Variants in SPATA13 observed in about 807,000 individuals in gnomAD.
SPATA13 encodes spermatogenesis associated 13, also known as spermatogenesis-associated protein 13.
Under a neutral mutation model 104.0 loss-of-function variants are expected in SPATA13, and 50 were observed. The ratio of observed to expected loss-of-function variants is 0.48; its 90% CI spans 0.38 to 0.61. SPATA13 has a LOEUF of 0.61. Among genes scored for constraint, SPATA13 ranks in the 20% least tolerant of loss-of-function variants. The pLI is 0.00. For missense variants in SPATA13, 1,524 were observed against 1,690.6 expected (o/e 0.90, Z 1.73); for synonymous variants, 606 against 667.5 (o/e 0.91, Z 1.42).
Position 24,224,547 on chromosome 13 carries a change from G to A in SPATA13, c.1618G>A (p.Val540Met), listed in dbSNP as rs752371351. Residue 540 changes from valine to methionine, a missense_variant, in exon 2 of 13, where the codon GTG (valine) becomes ATG (methionine). Val to Met is a conservative substitution (Grantham distance 21). Around this residue, in one of 2 missense-constraint regions of SPATA13, gnomAD observed 1,089 missense variants for 1,135.9 expected, o/e 0.96. Coordinates refer to ENST00000382108, the MANE Select transcript of SPATA13 (RefSeq NM_001166271.3). Reference protein sequence around the residue: ...GSKDLLVNIGVAAGPEEKEKE... With the variant: ...GSKDLLVNIGMAAGPEEKEKE... ...CAAGGACCTTCTGGTGAACATTGGT[G>A]TGGCAGCCGGCCCAGAAGAAAAGGA... 29 of 1,541,952 alleles carry A rather than the reference G, an allele frequency of 1.9e-5. No individual in the cohort carries two copies. Among genetic ancestry groups the A allele is most frequent in the Non-Finnish European group, 2.3e-5 (26 of 1,146,936 alleles).
chr13:24,294,661 C>T (rs571109198), intron 9 of SPATA13, 78 bp from the exon 10 acceptor site: 19 of 1,458,538 alleles, frequency 1.3e-5, no homozygotes, highest in East Asian at 4.6e-5. Flanking sequence ...TACGAAGAAG[C>T]GCCCCAGTGG....
chr13:24,286,096 A>T lies in SPATA13; in HGVS notation c.2302-118A>T. On this transcript the variant is annotated intron_variant, in intron 5 of 12. Transcript: ENST00000382108. This position sits in a 1 kb window ranked among gnomAD's most constrained non-coding sequence, Gnocchi z 4.9. ...ACATAGTCAGTGTGGACCAAATGCC[A>T]CCAGCATATCCAAGTGAGAGGATAC... 1 of 966,864 alleles carries T rather than the reference A, an allele frequency of 1.0e-6. No individual in the cohort carries two copies. The highest frequency in any genetic ancestry group is 1.5e-6 in the Non-Finnish European group (1 of 651,824). The allele number at this position is 966,864 out of a possible 1,614,324, so 59.9% of individuals were successfully genotyped here.
chr13:24,005,584 C>G (rs1303341629), intron 2 of SPATA13, among the ~76,000 whole-genome samples: 1 of 151,918 alleles, frequency 6.6e-6, no homozygotes, highest in Non-Finnish European at 1.5e-5. Flanking sequence ...AAGGGATGAA[C>G]TCCTGAATTT....
intron 3 of SPATA13, among the ~76,000 whole-genome samples, chr13:24,106,242 T>G (rs1880448394): frequency 6.6e-6 from 1 of 152,148 alleles, no homozygotes; most frequent in African/African-American, 2.4e-5. Flanking sequence ...CTGTGTTGCT[T>G]AGGCTGGCCT....
At chr13:24,174,094 A>T (rs1446627673) in intron 1 of SPATA13, among the ~76,000 whole-genome samples, 3 of 152,134 alleles carry the variant, frequency 2.0e-5, no homozygotes, top group African/African-American at 7.2e-5. Flanking sequence ...GGGCATAAAG[A>T]TTTCTCTTTT....
At chr13:24,244,437 G>T (rs183422144) in intron 2 of SPATA13, among the ~76,000 whole-genome samples, 11 of 152,246 alleles carry the variant, frequency 7.2e-5, no homozygotes, top group African/African-American at 2.6e-4. Context: ...CTTTCACTGT[G>T]GTTTCAGAAA....
intron 3 of SPATA13, among the ~76,000 whole-genome samples, chr13:24,139,083 G>A (rs1453867423): frequency 2.6e-5 from 4 of 152,114 alleles, no homozygotes; most frequent in East Asian, 1.9e-4. Context: ...TGACAGCTCC[G>A]GGGGTGCATC....
rs551549802 is a variant in SPATA13 at position 24,167,967 on chromosome 13, T to C, written c.-112+7035T>C. Reference sequence around the variant, plus strand: ...AAACATGTTTCTCTCTCTGTCAGCATGGACAAAGTAGGGTTTTTTTGGTCT... The same window carrying C: ...AAACATGTTTCTCTCTCTGTCAGCACGGACAAAGTAGGGTTTTTTTGGTCT... On this transcript the variant is annotated intron_variant, in intron 1 of 12. Coordinates refer to ENST00000382108, the MANE Select transcript of SPATA13 (RefSeq NM_001166271.3). Among the ~76,000 whole-genome samples the C allele has an allele frequency of 6.5e-4, 99 of 152,350 alleles. 1 individual carries two copies. Among genetic ancestry groups the C allele is most frequent in the South Asian group, 2.9e-3 (14 of 4,822 alleles).
chr13:24,022,249 T>A (rs998571522), intron 3 of SPATA13, among the ~76,000 whole-genome samples: 1 of 149,764 alleles, frequency 6.7e-6, no homozygotes. Flanking sequence ...TTGGCCAGGC[T>A]GGTCTCGAAC....
chr13:24,216,590 T>C (rs564949543), intron 1 of SPATA13, among the ~76,000 whole-genome samples: 2 of 152,326 alleles, frequency 1.3e-5, no homozygotes, highest in African/African-American at 2.4e-5. Flanking sequence ...ACCTACTCCT[T>C]ACACAGAGAG....
At chr13:24,106,127 G>A (rs547731092) in intron 3 of SPATA13, among the ~76,000 whole-genome samples, 29 of 152,236 alleles carry the variant, frequency 1.9e-4, no homozygotes, top group African/African-American at 6.7e-4. Flanking sequence ...TTGAGCTCCT[G>A]GACTCTTGCA....
intron 3 of SPATA13, among the ~76,000 whole-genome samples, chr13:24,113,168 C>G (rs1165197994): frequency 6.6e-6 from 1 of 152,216 alleles, no homozygotes; most frequent in Non-Finnish European, 1.5e-5. Flanking sequence ...TTGTAAACCA[C>G]TATGTGCAAA....
chr13:24,198,202 C>A (rs763065546), intron 1 of SPATA13, among the ~76,000 whole-genome samples: 1 of 152,088 alleles, frequency 6.6e-6, no homozygotes, highest in Non-Finnish European at 1.5e-5. Context: ...ACTGTGTTGG[C>A]CAGGCTGGTC....
At chr13:24,211,430 A>T (rs7322486) in intron 1 of SPATA13, among the ~76,000 whole-genome samples, 34,941 of 152,108 alleles carry the variant, frequency 0.23, 4,391 homozygotes, top group South Asian at 0.3. Flanking sequence ...ACATTCCTGT[A>T]TGCCATATTT....
At chr13:24,061,866 G>T (rs1259783014) in intron 3 of SPATA13, among the ~76,000 whole-genome samples, 2 of 147,794 alleles carry the variant, frequency 1.4e-5, no homozygotes, top group African/African-American at 5.0e-5. Context: ...TAACATAAAA[G>T]TTTTTAAAAA....
At chr13:24,222,601 C>T (rs1871652822) in intron 1 of SPATA13, among the ~76,000 whole-genome samples, 2 of 152,242 alleles carry the variant, frequency 1.3e-5, no homozygotes, top group African/African-American at 2.4e-5. Context: ...CCTTCATGTC[C>T]GTGGCACAGC....
intron 2 of SPATA13, among the ~76,000 whole-genome samples, chr13:24,003,662 G>A (rs1028958790): frequency 6.6e-6 from 1 of 152,188 alleles, no homozygotes. Context: ...TGCATTTCAA[G>A]CAATTTTAGA....
At chr13:24,103,788 A>G (rs1880346006) in intron 3 of SPATA13, among the ~76,000 whole-genome samples, 2 of 152,168 alleles carry the variant, frequency 1.3e-5, no homozygotes, top group African/African-American at 2.4e-5. Flanking sequence ...CCTGTAGAGA[A>G]GCCCACACTC....
intron 3 of SPATA13, among the ~76,000 whole-genome samples, chr13:24,064,904 T>C (rs767036650): frequency 1.8e-4 from 27 of 152,064 alleles, no homozygotes; most frequent in Admixed American, 2.6e-4. Flanking sequence ...CAAACCCAAA[T>C]TGAAGAAAAT....
Sources: allele counts gnomAD v4.1 joint callset (sites outside exome capture counted in the v4.1 genomes callset), GRCh38; gene constraint gnomAD v4.1.1; regional missense constraint gnomAD v4.1.1; non-coding constraint Gnocchi (gnomAD v3.1); transcripts MANE v1.5; gene names NCBI Gene and HGNC (gene_info 2026-07-23, HGNC 2026-07-21).